Variants in BMP5 observed in about 807,000 individuals in gnomAD.
BMP5 encodes bone morphogenetic protein 5.
A neutral mutation model predicts 46.6 loss-of-function variants in BMP5; 23 were observed. The observed-to-expected ratio is 0.49, with a 90% CI of 0.35 to 0.70. The LOEUF is 0.70. Ranked by LOEUF, BMP5 falls within the 30% of genes least tolerant of loss-of-function variation. BMP5 has a pLI of 0.00. For missense variants in BMP5, 545 were observed against 565.6 expected (o/e 0.96, Z 0.37); for synonymous variants, 204 against 191.9 (o/e 1.06, Z -0.52).
intron 4 of BMP5, among the ~76,000 whole-genome samples, chr6:55,770,156 C>T (rs190145999): frequency 4.5e-4 from 69 of 152,046 alleles, no homozygotes; most frequent in African/African-American, 1.5e-3. Context: ...TGACTCTTCT[C>T]TAGCTATGAA....
intron 1 of BMP5, among the ~76,000 whole-genome samples, chr6:55,837,341 A>AGAT (rs1562062899): frequency 1.5e-5 from 2 of 130,148 alleles, no homozygotes; most frequent in African/African-American, 5.9e-5. Flanking sequence ...TAATTTAGAT[A>AGAT]GATAGATAGA....
chr6:55,854,796 T>C (rs1777345040), intron 1 of BMP5, among the ~76,000 whole-genome samples: 1 of 152,178 alleles, frequency 6.6e-6, no homozygotes, highest in East Asian at 1.9e-4. Flanking sequence ...CTTTTAAAAA[T>C]ACTCAATTTC....
intron 1 of BMP5, among the ~76,000 whole-genome samples, chr6:55,869,094 T>C (rs190851829): frequency 6.6e-6 from 1 of 152,294 alleles, no homozygotes; most frequent in East Asian, 1.9e-4. Context: ...AACCTGTGGT[T>C]TTTTAAAGCT....
chr6:55,768,223 C>T (rs537862000), intron 4 of BMP5, among the ~76,000 whole-genome samples: 14 of 151,908 alleles, frequency 9.2e-5, no homozygotes, highest in South Asian at 4.2e-4. Flanking sequence ...CAAGAGATAG[C>T]GCCTATCAAA....
At chr6:55,768,784 C>G (rs1471558587) in intron 4 of BMP5, among the ~76,000 whole-genome samples, 5 of 151,908 alleles carry the variant, frequency 3.3e-5, no homozygotes. Context: ...ATTCTTCATA[C>G]AGGCATATGT....
intron 1 of BMP5, among the ~76,000 whole-genome samples, chr6:55,822,073 T>A (rs1020250652): frequency 6.6e-6 from 1 of 152,166 alleles, no homozygotes; most frequent in Non-Finnish European, 1.5e-5. Flanking sequence ...GGTTCTCTTA[T>A]TATCCTCATT....
rs1188424350 is a variant in BMP5 at position 55,753,687 on chromosome 6, T to C, written c.*1846A>G. The C allele has an allele frequency of 6.6e-6, 1 of 151,932 alleles. No individual in the cohort carries two copies. The highest frequency in any genetic ancestry group is 1.5e-5 in the Non-Finnish European group (1 of 67,902). The allele number at this position is 151,932 out of a possible 1,614,324, so 9.4% of individuals were successfully genotyped here. A position where few individuals can be genotyped will look rare whatever the true frequency, so the allele number is the denominator to read the frequency against. ...TGCACATTTAATAGTGAGATAATTATTAACAACACAAAAAACAATTTTGGC... is the reference window on the plus strand; with the variant it reads ...TGCACATTTAATAGTGAGATAATTACTAACAACACAAAAAACAATTTTGGC... On this transcript the variant is annotated 3_prime_UTR_variant, in exon 7 of 7. Coordinates refer to ENST00000370830, the MANE Select transcript of BMP5 (RefSeq NM_021073.4).
chr6:55,859,514 G>A (rs1167653164), intron 1 of BMP5, among the ~76,000 whole-genome samples: 1 of 152,082 alleles, frequency 6.6e-6, no homozygotes, highest in Non-Finnish European at 1.5e-5. Context: ...ATGAACAAAT[G>A]AGAAAACTCA....
In BMP5 at chr6:55,874,407, A is replaced by T; in HGVS notation, c.459T>A (p.Asp153Glu). The T allele has an allele frequency of 6.2e-7, 1 of 1,613,260 alleles. No individual in the cohort carries two copies. The highest frequency in any genetic ancestry group is 8.5e-7 in the Non-Finnish European group (1 of 1,179,480). Residue 153 changes from aspartate to glutamate, a missense_variant, in exon 1 of 7, where the codon GAT becomes GAA. By Grantham distance (45) the Asp-to-Glu change is conservative. Coordinates refer to ENST00000370830, the MANE Select transcript of BMP5 (RefSeq NM_021073.4). ...TGACAAAGCTCATGACCATGTCAGC[A>T]TCATTCAGAAAGTTGGTATCATGGA... ...ASLHDTNFLN[D>E]ADMVMSFVNL...
chr6:55,806,666 G>A (rs905558051), intron 2 of BMP5, among the ~76,000 whole-genome samples: 3 of 152,104 alleles, frequency 2.0e-5, no homozygotes, highest in African/African-American at 7.2e-5. Flanking sequence ...GGGCAGTATG[G>A]CCATTTTCAT....
intron 2 of BMP5, among the ~76,000 whole-genome samples, chr6:55,806,659 C>T (rs767804187): frequency 4.2e-4 from 64 of 152,236 alleles, no homozygotes; most frequent in Non-Finnish European, 7.5e-4. Context: ...TTACTTTGGG[C>T]AGTATGGCCA....
rs867062210 is a variant in BMP5 at position 55,837,067 on chromosome 6, C to T, written c.491-17220G>A. ...TTTAAAGTAACTTTTTTTTTTTTTTCCTGAGAAAGAGTCTGCTTTTGTTTT... is the reference window on the plus strand; with the variant it reads ...TTTAAAGTAACTTTTTTTTTTTTTTTCTGAGAAAGAGTCTGCTTTTGTTTT... On this transcript the variant is annotated intron_variant, in intron 1 of 6. Coordinates refer to ENST00000370830, the MANE Select transcript of BMP5 (RefSeq NM_021073.4). Among the ~76,000 whole-genome samples the T allele has an allele frequency of 7.7e-3, 1,040 of 134,642 alleles. 5 individuals are homozygous for T. Among genetic ancestry groups the T allele is most frequent in the African/African-American group, 0.027 (876 of 32,782 alleles). The allele number at this position is 134,642 out of a possible 152,430, so 88.3% of individuals were successfully genotyped here.
chr6:55,855,577 G>T (rs570921453), intron 1 of BMP5, among the ~76,000 whole-genome samples: 2 of 152,180 alleles, frequency 1.3e-5, no homozygotes, highest in African/African-American at 2.4e-5. Context: ...ACCCTTAGAC[G>T]AATTAATCCT....
At chr6:55,831,667 A>G (rs1221006916) in intron 1 of BMP5, among the ~76,000 whole-genome samples, 1 of 152,088 alleles carries the variant, frequency 6.6e-6, no homozygotes, top group Non-Finnish European at 1.5e-5. Context: ...GTCCAGAATC[A>G]GCCAAATAAT....
At chr6:55,862,553 T>C (rs1468524722) in intron 1 of BMP5, among the ~76,000 whole-genome samples, 1 of 152,202 alleles carries the variant, frequency 6.6e-6, no homozygotes, top group Non-Finnish European at 1.5e-5. Context: ...AGAAGTAAGA[T>C]AGGGCCAGAG....
intron 1 of BMP5, among the ~76,000 whole-genome samples, chr6:55,833,650 C>G (rs575066258): frequency 1.3e-5 from 2 of 152,262 alleles, no homozygotes; most frequent in East Asian, 3.9e-4. Flanking sequence ...GCTAAAAAAG[C>G]TCATTAATAT....
At chr6:55,813,431 T>C (rs1776180469) in intron 2 of BMP5, among the ~76,000 whole-genome samples, 1 of 151,852 alleles carries the variant, frequency 6.6e-6, no homozygotes, top group African/African-American at 2.4e-5. Context: ...TATAATAATG[T>C]TTCTTGGTTT....
chr6:55,840,560 A>G (rs2127545336), intron 1 of BMP5, among the ~76,000 whole-genome samples: 1 of 152,232 alleles, frequency 6.6e-6, no homozygotes, highest in African/African-American at 2.4e-5. Context: ...TTCTTCCAGC[A>G]TTTCTTATCA....
At chr6:55,837,338 G>GATAC (rs1776830395) in intron 1 of BMP5, among the ~76,000 whole-genome samples, 1 of 99,476 alleles carries the variant, frequency 1.0e-5, no homozygotes, top group Non-Finnish European at 2.1e-5. Flanking sequence ...AACTAATTTA[G>GATAC]ATAGATAGAT....
Sources: allele counts gnomAD v4.1 joint callset (sites outside exome capture counted in the v4.1 genomes callset), GRCh38; gene constraint gnomAD v4.1.1; transcripts MANE v1.5; gene names NCBI Gene and HGNC (gene_info 2026-07-23, HGNC 2026-07-21).